PDE1C: variants seen among roughly 807,000 people sequenced by gnomAD.
The protein encoded by PDE1C is phosphodiesterase 1C.
A neutral mutation model predicts 93.1 loss-of-function variants in PDE1C; 62 were observed. The observed-to-expected ratio is 0.67, with a 90% CI of 0.54 to 0.82. PDE1C has a LOEUF of 0.82. PDE1C is among the 40% of genes least tolerant of loss of function. PDE1C has a pLI of 0.00. For synonymous variants in PDE1C, 325 were observed against 310.1 expected (o/e 1.05, Z -0.50); for missense variants, 742 against 884.6 (o/e 0.84, Z 2.04).
chr7:32,209,374 A>C, intron 2 of PDE1C: 1 of 864,042 alleles, frequency 1.2e-6, no homozygotes, highest in Non-Finnish European at 1.8e-6. Flanking sequence ...TATTTCCTGC[A>C]TTACTATTTT....
chr7:31,679,015 T>A, the PDE1C span, among the ~76,000 whole-genome samples: 3 of 152,218 alleles, frequency 2.0e-5, no homozygotes, highest in African/African-American at 7.2e-5. Flanking sequence ...TAAAGCATGG[T>A]TGACTTAGTC....
At chr7:32,011,253 T>C (rs1053457045) in intron 2 of PDE1C, among the ~76,000 whole-genome samples, 1 of 151,798 alleles carries the variant, frequency 6.6e-6, no homozygotes, top group Non-Finnish European at 1.5e-5. Context: ...AGTGCAGTGG[T>C]GCAATCTCAG....
intron 3 of PDE1C, among the ~76,000 whole-genome samples, chr7:32,165,134 C>T (rs190281988): frequency 1.3e-3 from 205 of 152,306 alleles, no homozygotes; most frequent in African/African-American, 4.7e-3. Flanking sequence ...TCAGGGCCCA[C>T]AGTGTCTGCA....
intron 2 of PDE1C, among the ~76,000 whole-genome samples, chr7:31,934,101 G>C (rs1804694779): frequency 6.6e-6 from 1 of 152,174 alleles, no homozygotes. Flanking sequence ...GTCTTGAATA[G>C]TTAAGTGCTT....
chr7:32,192,746 G>A (rs1804323970), intron 2 of PDE1C, among the ~76,000 whole-genome samples: 1 of 152,086 alleles, frequency 6.6e-6, no homozygotes, highest in African/African-American at 2.4e-5. Flanking sequence ...TAGAAATTGT[G>A]TTAAATCTGC....
the PDE1C span, chr7:31,642,713 C>A: frequency 6.2e-7 from 1 of 1,613,948 alleles, no homozygotes; most frequent in South Asian, 1.1e-5. Context: ...CAGAGTCCTG[C>A]TGAGAATGGA....
At chr7:32,189,966 A>G (rs1804130310) in intron 2 of PDE1C, among the ~76,000 whole-genome samples, 1 of 152,144 alleles carries the variant, frequency 6.6e-6, no homozygotes, top group Non-Finnish European at 1.5e-5. Context: ...GGCTATAGAA[A>G]CCACATTAAA....
chr7:32,260,446 C>T (rs1421757828), intron 1 of PDE1C, among the ~76,000 whole-genome samples: 1 of 152,160 alleles, frequency 6.6e-6, no homozygotes, highest in Non-Finnish European at 1.5e-5. Context: ...CAGAAAAGGC[C>T]CCCGTGAAAC....
intron 2 of PDE1C, among the ~76,000 whole-genome samples, chr7:32,001,211 T>C (rs1003916672): frequency 6.6e-6 from 1 of 152,180 alleles, no homozygotes; most frequent in East Asian, 1.9e-4. Flanking sequence ...AAATCTACAG[T>C]GGAAAAAATA....
At chr7:32,221,610 G>T (rs142074518) in intron 1 of PDE1C, among the ~76,000 whole-genome samples, 1 of 152,312 alleles carries the variant, frequency 6.6e-6, no homozygotes, top group African/African-American at 2.4e-5. Context: ...CAGTGCTAAA[G>T]GACATAACCC....
the PDE1C span, among the ~76,000 whole-genome samples, chr7:31,731,526 G>A: frequency 1.3e-5 from 2 of 152,116 alleles, no homozygotes; most frequent in Non-Finnish European, 2.9e-5. Flanking sequence ...GAGTAGCTGG[G>A]ATTACAGGCA....
chr7:32,087,339 AG>A (rs960393894), intron 3 of PDE1C, among the ~76,000 whole-genome samples: 7 of 152,192 alleles, frequency 4.6e-5, no homozygotes, highest in Non-Finnish European at 8.8e-5. Flanking sequence ...ATCATTAAAA[AG>A]TCAGGAAACA....
chr7:31,655,472 A>G, the PDE1C span, among the ~76,000 whole-genome samples: 1 of 152,120 alleles, frequency 6.6e-6, no homozygotes, highest in Admixed American at 6.5e-5. Flanking sequence ...TCTCTCAGCC[A>G]CCATGTGGGT....
At chr7:31,967,426 T>C (rs1810185773) in intron 2 of PDE1C, among the ~76,000 whole-genome samples, 1 of 151,522 alleles carries the variant, frequency 6.6e-6, no homozygotes, top group Non-Finnish European at 1.5e-5. Context: ...GTTGAATCTC[T>C]GAATAGATCA....
intron 1 of PDE1C, among the ~76,000 whole-genome samples, chr7:32,264,817 A>G (rs1486236370): frequency 6.6e-6 from 1 of 152,168 alleles, no homozygotes; most frequent in Non-Finnish European, 1.5e-5. Flanking sequence ...AACCAACCAT[A>G]TGGCCTAGCG....
At chr7:32,295,029 A>T (rs1286478655) in intron 1 of PDE1C, among the ~76,000 whole-genome samples, 2 of 152,234 alleles carry the variant, frequency 1.3e-5, no homozygotes, top group Non-Finnish European at 2.9e-5. Context: ...AGAAAATTAC[A>T]TAAAGAGGAT....
intron 16 of PDE1C, among the ~76,000 whole-genome samples, chr7:31,791,401 A>G (rs1432744694): frequency 6.6e-6 from 1 of 152,166 alleles, no homozygotes; most frequent in Non-Finnish European, 1.5e-5. Flanking sequence ...CTTGCCAGTG[A>G]GAGAAGGAGG....
At chr7:32,053,138 A>C (rs1327110238) in intron 1 of PDE1C, among the ~76,000 whole-genome samples, 1 of 152,220 alleles carries the variant, frequency 6.6e-6, no homozygotes, top group Admixed American at 6.5e-5. Context: ...TAGCTTTACA[A>C]TGCTGGACTA....
chr7:31,668,179 T>C, the PDE1C span, among the ~76,000 whole-genome samples: 1 of 152,146 alleles, frequency 6.6e-6, no homozygotes, highest in African/African-American at 2.4e-5. Flanking sequence ...TATTAACAAG[T>C]ATTGGTGAGG....
Sources: gnomAD v4.1 joint callset for allele counts (sites outside exome capture counted in the v4.1 genomes callset) on GRCh38, gnomAD v4.1.1 for gene constraint, MANE v1.5 for transcripts, NCBI Gene and HGNC (gene_info 2026-07-23, HGNC 2026-07-21) for gene names.